PSMF1: variants seen among roughly 807,000 people sequenced by gnomAD.
The protein encoded by PSMF1 is proteasome inhibitor PI31 subunit.
PSMF1 carries 30 observed loss-of-function variants against 29.3 expected under a neutral mutation model. The ratio of observed to expected loss-of-function variants is 1.02; its 90% CI spans 0.77 to 1.39. The LOEUF (loss-of-function observed/expected upper bound fraction) is 1.39, where lower values mean the gene tolerates loss of function less well. Ranked by LOEUF, PSMF1 falls within the 40% of genes most tolerant of loss-of-function variation. PSMF1 has a pLI of 0.00. For synonymous variants in PSMF1, 134 were observed against 139.7 expected (o/e 0.96, Z 0.29); for missense variants, 344 against 357.5 (o/e 0.96, Z 0.31).
chr20:1,140,315 T>C (rs978865841), intron 4 of PSMF1, among the ~76,000 whole-genome samples: 3 of 152,196 alleles, frequency 2.0e-5, no homozygotes, highest in Non-Finnish European at 4.4e-5. Flanking sequence ...CATAGGGAAT[T>C]GATTTCAGCA....
chr20:1,133,569 A>ATTTTTTTTTT (rs1217034678), intron 3 of PSMF1, among the ~76,000 whole-genome samples: 1 of 53,298 alleles, frequency 1.9e-5, no homozygotes, highest in African/African-American at 5.6e-5. Context: ...ATATATATAT[A>ATTTTTTTTTT]TTTTTTTTTT....
intron 4 of PSMF1, chr20:1,161,017 C>A: frequency 2.6e-6 from 1 of 386,488 alleles, no homozygotes; most frequent in Non-Finnish European, 5.1e-6. Flanking sequence ...CCTCTGGGCG[C>A]ACCACTGGCA....
rs2086748590 is a variant in PSMF1, at chr20:1,167,749, A to G, written c.*2669A>G. On this transcript the variant is annotated 3_prime_UTR_variant, in exon 7 of 7. Transcript: ENST00000335877. ...GTTGATGGACAGTTGGGTTGTTTCT[A>G]CAAAAAGGCTATTATGAGTAATGCA... 6.6e-6 allele frequency: 1 copy of G among 152,174 alleles called. No homozygotes were observed. Among genetic ancestry groups the G allele is most frequent in the Non-Finnish European group, 1.5e-5 (1 of 68,034 alleles). 9.4% of individuals were successfully genotyped at this position (152,174 alleles called of 1,614,324 possible).
At chr20:1,154,198 C>T (rs1467763089) in intron 4 of PSMF1, among the ~76,000 whole-genome samples, 1 of 152,138 alleles carries the variant, frequency 6.6e-6, no homozygotes, top group Non-Finnish European at 1.5e-5. Flanking sequence ...GAAAATAATG[C>T]AAAAGTAATC....
At chr20:1,135,620 G>A (rs942972810) in intron 4 of PSMF1, among the ~76,000 whole-genome samples, 1 of 152,208 alleles carries the variant, frequency 6.6e-6, no homozygotes, top group Non-Finnish European at 1.5e-5. Flanking sequence ...TTGCTGCCCA[G>A]GTAATTCACA....
chr20:1,132,118 A>G (rs1272172691), intron 3 of PSMF1, among the ~76,000 whole-genome samples: 1 of 152,048 alleles, frequency 6.6e-6, no homozygotes, highest in African/African-American at 2.4e-5. Flanking sequence ...ATTGATCTCT[A>G]TGTCTCTTCC....
At chr20:1,139,426 G>A (rs922056571) in intron 4 of PSMF1, among the ~76,000 whole-genome samples, 9 of 152,194 alleles carry the variant, frequency 5.9e-5, no homozygotes, top group Non-Finnish European at 7.3e-5. Context: ...AGATTAGAAA[G>A]TAGGAAGTAA....
intron 3 of PSMF1, among the ~76,000 whole-genome samples, chr20:1,132,620 A>G (rs1014174218): frequency 2.6e-5 from 4 of 152,188 alleles, no homozygotes; most frequent in African/African-American, 9.7e-5. Context: ...GTGTATATCT[A>G]TGAAAAACCT....
At chr20:1,135,356 C>G in intron 4 of PSMF1, 50 bp downstream of exon 4, 1 of 1,527,064 alleles carries the variant, frequency 6.5e-7, no homozygotes, top group Non-Finnish European at 8.9e-7. Flanking sequence ...AGAGGGATTC[C>G]AGCCAGCTAT....
rs1052009516 is a variant in PSMF1 at position 1,118,997 on chromosome 20, C to T, written c.129+95C>T. On this transcript the variant is annotated intron_variant, in intron 1 of 6. Transcript: ENST00000335877. ...TGGTCCAGAGCGCCCGATTTCCCCG[C>T]TTCTCCCAGTGCAGGGTCTGGGGCA... 6.7e-6 allele frequency: 10 copies of T among 1,490,970 alleles called. No homozygotes were observed. The African/African-American group carries it at 1.2e-4, about 19-fold the overall frequency. The allele number at this position is 1,490,970 out of a possible 1,614,324, so 92.4% of individuals were successfully genotyped here.
At chr20:1,159,228 T>C (rs1419781845) in intron 4 of PSMF1, among the ~76,000 whole-genome samples, 2 of 152,042 alleles carry the variant, frequency 1.3e-5, no homozygotes, top group Non-Finnish European at 2.9e-5. Context: ...ATAATAGAGA[T>C]GGGGGTCTCA....
rs2086794440 is a variant in PSMF1, at chr20:1,171,945, C to G, written c.*6865C>G. On this transcript the variant is annotated 3_prime_UTR_variant, in exon 7 of 7. Transcript: ENST00000335877. ...GAGAAGCATGTGAAGAGAGGGATGG[C>G]CCAGGGGCCCTTGGCCATGGTGGCC... Among the ~76,000 whole-genome samples the G allele has an allele frequency of 6.6e-6, 1 of 152,224 alleles. No individual in the cohort carries two copies. The highest frequency in any genetic ancestry group is 1.5e-5 in the Non-Finnish European group (1 of 68,038).
intron 4 of PSMF1, among the ~76,000 whole-genome samples, chr20:1,153,500 C>T (rs1415201895): frequency 2.8e-5 from 4 of 140,490 alleles, no homozygotes; most frequent in Non-Finnish European, 4.7e-5. Flanking sequence ...TAAGGGTTCC[C>T]ATGTATTAGA....
chr20:1,157,589 T>C (rs56381537), intron 4 of PSMF1, among the ~76,000 whole-genome samples: 67,891 of 151,596 alleles, frequency 0.45, 15,758 homozygotes, highest in East Asian at 0.73. Context: ...CTTTCTTAAT[T>C]AAGTGTATGC....
At chr20:1,145,578 AG>A (rs2086439553) in intron 4 of PSMF1, among the ~76,000 whole-genome samples, 2 of 152,170 alleles carry the variant, frequency 1.3e-5, no homozygotes, top group South Asian at 4.1e-4. Context: ...AGAGCCAGGC[AG>A]GGGTCGTTAA....
chr20:1,140,631 G>A (rs1459647904), intron 4 of PSMF1, among the ~76,000 whole-genome samples: 1 of 152,144 alleles, frequency 6.6e-6, no homozygotes, highest in African/African-American at 2.4e-5. Context: ...AAAATATTTT[G>A]TGCATAAAAG....
At chr20:1,153,133 G>C (rs1328137397) in intron 4 of PSMF1, among the ~76,000 whole-genome samples, 1 of 152,080 alleles carries the variant, frequency 6.6e-6, no homozygotes, top group Non-Finnish European at 1.5e-5. Context: ...GAAAAACATT[G>C]TCTTCATAAC....
intron 4 of PSMF1, among the ~76,000 whole-genome samples, chr20:1,140,717 C>G (rs777414902): frequency 6.6e-6 from 1 of 152,100 alleles, no homozygotes; most frequent in African/African-American, 2.4e-5. Context: ...TGACAAGAAG[C>G]TTGTATCCAG....
At position 1,166,286 on chromosome 20, in the gene PSMF1, T is replaced by C. The variant is rs750067424; in HGVS notation, c.*1206T>C. 18 of 1,606,080 alleles carry C rather than the reference T, an allele frequency of 1.1e-5. No homozygotes were observed. In the East Asian group the frequency reaches 2.2e-4, roughly 20 times the overall value. On this transcript the variant is annotated 3_prime_UTR_variant, in exon 7 of 7. Coordinates refer to ENST00000335877, the MANE Select transcript of PSMF1 (RefSeq NM_006814.5). ...CTGTTCTGGAGTGGAAAGAGCACGATAGAGCACCAGGCTAAGAGGCACGAG... is the reference window on the plus strand; with the variant it reads ...CTGTTCTGGAGTGGAAAGAGCACGACAGAGCACCAGGCTAAGAGGCACGAG...
Sources: gnomAD v4.1 joint callset for allele counts (sites outside exome capture counted in the v4.1 genomes callset) on GRCh38, gnomAD v4.1.1 for gene constraint, MANE v1.5 for transcripts, NCBI Gene and HGNC (gene_info 2026-07-23, HGNC 2026-07-21) for gene names.